The following APBB2 variants were observed in gnomAD, a reference collection of about 807,000 sequenced individuals.
APBB2 encodes the protein Fe65-like 1.
Under a neutral mutation model 82.5 loss-of-function variants are expected in APBB2, and 38 were observed. That is an observed-to-expected ratio of 0.46 (90% CI 0.36 to 0.60). The LOEUF (loss-of-function observed/expected upper bound fraction) is 0.60. APBB2 is among the 20% of genes least tolerant of loss of function. APBB2 has a pLI of 0.00. For missense variants in APBB2, 772 were observed against 972.3 expected (o/e 0.79, Z 2.74); for synonymous variants, 341 against 368.2 (o/e 0.93, Z 0.85).
chr4:41,101,896 T>G (rs1051071233), intron 2 of APBB2, among the ~76,000 whole-genome samples: 6 of 151,582 alleles, frequency 4.0e-5, no homozygotes, highest in Admixed American at 3.9e-4. Context: ...GAGGCGGAAG[T>G]TGCAGTGAGC....
At position 41,013,822 on chromosome 4, in the gene APBB2, G is replaced by A. The variant is rs780813139; in HGVS notation, c.596C>T (p.Thr199Ile). 6.2e-7 allele frequency: 1 copy of A among 1,614,220 alleles called. No homozygotes were observed. The highest frequency in any genetic ancestry group is 8.5e-7 in the Non-Finnish European group (1 of 1,180,052). ...CAGCAAATCGCCATTCCCAATGATG[G>A]TGGAGGCCTGGCCCTGGACTGGCTG... is the stretch of plus-strand genomic sequence containing the variant. Reference protein sequence around the residue: ...KSQPVQGQASTIIGNGDLLLQ... With the variant: ...KSQPVQGQASIIIGNGDLLLQ... The change falls in exon 6 of 18, where the codon ACC becomes ATC. Residue 199 changes from threonine (T) to isoleucine (I), a missense_variant. Physicochemically the swap from Thr to Ile is moderately conservative, Grantham distance 89. Coordinates refer to ENST00000508593, the MANE Select transcript of APBB2 (RefSeq NM_004307.2).
rs1482330504 is a variant in APBB2, at chr4:40,819,010, A to G, written c.2113-2751T>C. 4.6e-5 allele frequency among the ~76,000 whole-genome samples: 7 copies of G among 151,306 alleles called. No homozygotes were observed. In the East Asian group the frequency reaches 9.8e-4, roughly 21 times the overall value. ...GACTACAGGTGCAAACTTTCCCTTC[A>G]TTCATAACCTCACAATGTGCTGTAT... On this transcript the variant is annotated intron_variant, in intron 17 of 17. Transcript: ENST00000508593.
At chr4:40,834,427 C>G (rs948535753) in intron 12 of APBB2, among the ~76,000 whole-genome samples, 1 of 152,186 alleles carries the variant, frequency 6.6e-6, no homozygotes, top group African/African-American at 2.4e-5. Context: ...GACAATGAAA[C>G]ATACAAGCGA....
chr4:41,080,988 G>A (rs1406215606), intron 3 of APBB2, among the ~76,000 whole-genome samples: 1 of 152,148 alleles, frequency 6.6e-6, no homozygotes, highest in African/African-American at 2.4e-5. Context: ...CTGACCTCAG[G>A]TGATCCACCT....
At chr4:40,954,478 G>A (rs1437599199) in intron 6 of APBB2, among the ~76,000 whole-genome samples, 6 of 152,096 alleles carry the variant, frequency 3.9e-5, no homozygotes, top group Admixed American at 6.6e-5. Context: ...CAGAGGTGAT[G>A]ACAATAGATG....
At chr4:40,933,262 A>T (rs1341025944) in intron 10 of APBB2, among the ~76,000 whole-genome samples, 1 of 152,098 alleles carries the variant, frequency 6.6e-6, no homozygotes, top group African/African-American at 2.4e-5. Context: ...CCCTGTCCAT[A>T]TCTTGGTACC....
Position 40,827,204 on chromosome 4 carries a change from T to C in APBB2, c.1660A>G (p.Lys554Glu), listed in dbSNP as rs777317274. 7 of 1,614,200 alleles carry C rather than the reference T, an allele frequency of 4.3e-6. No individual in the cohort carries two copies. The South Asian group carries it at 7.7e-5, about 18-fold the overall frequency. Reference sequence around the variant, plus strand: ...CTGCAGGCCAGCGCTTTGGCATTCTTCCGTTCAGCCATAATCTAAGGGGGA... The same window carrying C: ...CTGCAGGCCAGCGCTTTGGCATTCTCCCGTTCAGCCATAATCTAAGGGGGA... ...EICSKIMAER[K>E]NAKALACSSL... Residue 554 changes from lysine (K) to glutamate (E), a missense_variant, in exon 14 of 18, where the codon AAG becomes GAG. By Grantham distance (56) the Lys-to-Glu change is moderately conservative (BLOSUM62 1). Transcript: ENST00000508593.
intron 5 of APBB2, among the ~76,000 whole-genome samples, chr4:41,024,953 A>G (rs899418370): frequency 1.3e-5 from 2 of 152,206 alleles, no homozygotes; most frequent in African/African-American, 4.8e-5. Context: ...CTGCCTCTGT[A>G]TCCTTGCTTT....
chr4:41,038,672 T>C (rs998891774), intron 4 of APBB2, among the ~76,000 whole-genome samples: 10 of 152,208 alleles, frequency 6.6e-5, no homozygotes, highest in Non-Finnish European at 1.5e-4. Context: ...GCTACTTCCC[T>C]AGAAACTCAA....
At chr4:41,016,824 A>G (rs902796662) in intron 5 of APBB2, among the ~76,000 whole-genome samples, 1 of 151,940 alleles carries the variant, frequency 6.6e-6, no homozygotes, top group Non-Finnish European at 1.5e-5. Flanking sequence ...TGGATGAAAA[A>G]ATGCAGCTCT....
chr4:40,894,589 G>A (rs887506319), intron 10 of APBB2, among the ~76,000 whole-genome samples: 5 of 152,190 alleles, frequency 3.3e-5, no homozygotes, highest in African/African-American at 4.8e-5. Flanking sequence ...GTCCTATAGC[G>A]TTTGTGACGA....
At chr4:40,964,426 A>C (rs1211118399) in intron 6 of APBB2, among the ~76,000 whole-genome samples, 1 of 151,998 alleles carries the variant, frequency 6.6e-6, no homozygotes, top group Non-Finnish European at 1.5e-5. Flanking sequence ...TTATATCCAT[A>C]CATTCATCAA....
rs756747203 is a variant in APBB2, at chr4:41,014,208, A to G, written c.210T>C (p.Tyr70=). The G allele has an allele frequency of 2.5e-6, 4 of 1,614,056 alleles. No individual in the cohort carries two copies. The African/African-American group carries it at 4.0e-5, about 16-fold the overall frequency. The change falls in exon 6 of 18, where the codon TAT becomes TAC. Residue 70 remains tyrosine (Y), a synonymous_variant. Coordinates refer to ENST00000508593, the MANE Select transcript of APBB2 (RefSeq NM_004307.2). ...NSTPPKCRKK[Y]ALTNIQAAMG... The stretch of plus-strand genomic sequence containing the variant: ...TGGCCGCCTGGATGTTAGTTAGTGC[A>G]TATTTTTTCCTGCATTTGGGAGGTG...
chr4:41,101,231 G>A (rs1440915540), intron 2 of APBB2, among the ~76,000 whole-genome samples: 3 of 150,894 alleles, frequency 2.0e-5, no homozygotes, highest in African/African-American at 7.3e-5. Context: ...TTGGGAGGCC[G>A]AGGCGGGTGG....
At chr4:40,944,830 T>C (rs768885121) in intron 7 of APBB2, 35 bp downstream of exon 7, 2 of 1,602,416 alleles carry the variant, frequency 1.2e-6, no homozygotes, top group Non-Finnish European at 1.7e-6. Flanking sequence ...GTTACATCTA[T>C]TCTACTAAGC....
At chr4:40,966,463 G>A (rs1006101474) in intron 6 of APBB2, among the ~76,000 whole-genome samples, 1 of 152,178 alleles carries the variant, frequency 6.6e-6, no homozygotes, top group African/African-American at 2.4e-5. Context: ...GGAGGGAGGG[G>A]GGCACTACCC....
At chr4:41,100,274 T>C (rs1560750312) in intron 3 of APBB2, among the ~76,000 whole-genome samples, 1 of 152,216 alleles carries the variant, frequency 6.6e-6, no homozygotes, top group African/African-American at 2.4e-5. Context: ...CCAAAATATC[T>C]AAAAGTCTAA....
chr4:41,013,562 C>G, intron 6 of APBB2, 21 bp downstream of exon 6: 2 of 1,600,004 alleles, frequency 1.3e-6, no homozygotes, highest in East Asian at 2.2e-5. Flanking sequence ...CCAGCTGAGG[C>G]TACGCCTTCC....
At chr4:40,979,997 C>T (rs963278863) in intron 6 of APBB2, among the ~76,000 whole-genome samples, 22 of 152,192 alleles carry the variant, frequency 1.4e-4, no homozygotes, top group African/African-American at 5.1e-4. Context: ...AAACCAGGAA[C>T]TACTTGCCTA....
Sources: allele counts gnomAD v4.1 joint callset (sites outside exome capture counted in the v4.1 genomes callset), GRCh38; gene constraint gnomAD v4.1.1; transcripts MANE v1.5; gene names NCBI Gene and HGNC (gene_info 2026-07-23, HGNC 2026-07-21).